RNF115: variants seen among roughly 807,000 people sequenced by gnomAD.
The protein encoded by RNF115 is E3 ubiquitin-protein ligase RNF115.
In RNF115, 31 loss-of-function variants were observed where a neutral mutation model predicts 39.2. The ratio of observed to expected loss-of-function variants is 0.79; its 90% CI spans 0.59 to 1.07. RNF115 has a LOEUF of 1.07. Ranked by LOEUF, RNF115 falls within the 50% of genes least tolerant of loss-of-function variation. RNF115 has a pLI of 0.00. For synonymous variants in RNF115, 124 were observed against 131.0 expected (o/e 0.95, Z 0.37); for missense variants, 384 against 381.7 (o/e 1.01, Z -0.05).
At chr1:145,760,054 C>A (rs182990547) in intron 4 of RNF115, among the ~76,000 whole-genome samples, 3 of 152,154 alleles carry the variant, frequency 2.0e-5, no homozygotes, top group Admixed American at 6.5e-5. Context: ...TTAAGCTCCA[C>A]GAGGGCAGTC....
Position 145,740,096 on chromosome 1 carries a change from T to G in RNF115, c.*6770A>C, listed in dbSNP as rs587610483. On this transcript the variant is annotated 3_prime_UTR_variant, in exon 9 of 9. Transcript: ENST00000582693. ...TCTCTACCTGTTTTAAATAGTTAGTTCTGTGTTTCTAACTAAATAATAAAC... is the reference window on the plus strand; with the variant it reads ...TCTCTACCTGTTTTAAATAGTTAGTGCTGTGTTTCTAACTAAATAATAAAC... 3 of 152,352 alleles carry G rather than the reference T, an allele frequency of 2.0e-5. No individual in the cohort carries two copies. The East Asian group carries it at 5.8e-4, about 29-fold the overall frequency. 9.4% of individuals were successfully genotyped at this position (152,352 alleles called of 1,614,324 possible).
At chr1:145,776,205 C>A (rs1307384520) in intron 3 of RNF115, among the ~76,000 whole-genome samples, 1 of 146,430 alleles carries the variant, frequency 6.8e-6, no homozygotes, top group Non-Finnish European at 1.5e-5. Context: ...CGCTCTGTCA[C>A]CCAGGCTGGA....
At chr1:145,775,714 C>T (rs1317889750) in intron 3 of RNF115, among the ~76,000 whole-genome samples, 3 of 151,954 alleles carry the variant, frequency 2.0e-5, no homozygotes, top group African/African-American at 4.8e-5. Flanking sequence ...TTATTGTAAC[C>T]GGGCGCAGTA....
At chr1:145,768,559 A>C (rs1018694295) in intron 4 of RNF115, among the ~76,000 whole-genome samples, 4 of 152,028 alleles carry the variant, frequency 2.6e-5, no homozygotes, top group African/African-American at 9.7e-5. Flanking sequence ...CAAGTGATCC[A>C]CCTGCCTCGG....
chr1:145,804,927 A>T (rs1649401749), intron 1 of RNF115, among the ~76,000 whole-genome samples: 1 of 152,148 alleles, frequency 6.6e-6, no homozygotes, highest in South Asian at 2.1e-4. Flanking sequence ...TTTGAGAAAC[A>T]CTGATCTAGA....
chr1:145,748,201 TAAAGA>T, intron 7 of RNF115, 91 bp from the exon 8 acceptor site: 3 of 825,850 alleles, frequency 3.6e-6, no homozygotes, highest in East Asian at 2.5e-5. Context: ...TACGAATGCA[TAAAGA>T]AAAGACACAA....
chr1:145,823,463 A>G lies in RNF115; in HGVS notation c.102+309T>C, dbSNP rs1162858432. On this transcript the variant is annotated intron_variant, in intron 1 of 8. Transcript: ENST00000582693. The stretch of plus-strand genomic sequence containing the variant: ...TAGGAAAAAGACCAGGTATAAAAGA[A>G]TGCAAGAAAATTGAGGGGAGAGTTA... Among the ~76,000 whole-genome samples the G allele has an allele frequency of 1.4e-4, 21 of 149,522 alleles. No individual in the cohort carries two copies. In the East Asian group the frequency reaches 3.8e-3, roughly 27 times the overall value.
chr1:145,785,978 T>C (rs924261002), intron 2 of RNF115, among the ~76,000 whole-genome samples: 2 of 152,194 alleles, frequency 1.3e-5, no homozygotes, highest in African/African-American at 4.8e-5. Context: ...ATCCATTTGA[T>C]TGCTCAAGCC....
intron 4 of RNF115, among the ~76,000 whole-genome samples, chr1:145,755,832 T>C (rs1658275629): frequency 6.6e-6 from 1 of 152,174 alleles, no homozygotes; most frequent in South Asian, 2.1e-4. Context: ...AAAAGGATCC[T>C]TGTTATATAA....
At chr1:145,780,480 C>G (rs1265073074) in intron 3 of RNF115, among the ~76,000 whole-genome samples, 1 of 151,254 alleles carries the variant, frequency 6.6e-6, no homozygotes, top group Non-Finnish European at 1.5e-5. Flanking sequence ...ATTAGCCAGG[C>G]GTGGTGGCAC....
At chr1:145,774,480 G>A (rs587633945) in intron 3 of RNF115, among the ~76,000 whole-genome samples, 1 of 152,150 alleles carries the variant, frequency 6.6e-6, no homozygotes, top group African/African-American at 2.4e-5. Context: ...CTCCCGAGAA[G>A]CTGGGATTAC....
chr1:145,810,027 C>A, intron 1 of RNF115, among the ~76,000 whole-genome samples: 1 of 140,622 alleles, frequency 7.1e-6, no homozygotes, highest in Admixed American at 7.3e-5. Context: ...GTCTAAAGGC[C>A]AAGTAAATCT....
intron 7 of RNF115, among the ~76,000 whole-genome samples, chr1:145,748,757 C>T (rs587736086): frequency 1.3e-5 from 2 of 151,982 alleles, no homozygotes; most frequent in Admixed American, 6.5e-5. Flanking sequence ...TGATGGTGAG[C>T]GCCTGTAAAC....
intron 1 of RNF115, among the ~76,000 whole-genome samples, chr1:145,804,323 T>C (rs1300144599): frequency 1.3e-5 from 2 of 152,194 alleles, no homozygotes; most frequent in Middle Eastern, 3.2e-3. Context: ...AATGAACTTC[T>C]GAATATCCTA....
intron 1 of RNF115, among the ~76,000 whole-genome samples, chr1:145,800,398 A>G (rs1649175831): frequency 6.6e-6 from 1 of 152,154 alleles, no homozygotes; most frequent in Non-Finnish European, 1.5e-5. Context: ...CTCTCAGCCC[A>G]TATATTCTTC....
chr1:145,800,771 C>T (rs1343838912), intron 1 of RNF115, among the ~76,000 whole-genome samples: 1 of 152,206 alleles, frequency 6.6e-6, no homozygotes, highest in Non-Finnish European at 1.5e-5. Context: ...CCCTGTCAAT[C>T]CACAGAAACA....
chr1:145,771,520 T>C (rs1212905049), intron 4 of RNF115, among the ~76,000 whole-genome samples, 191 bp downstream of exon 4: 2 of 152,210 alleles, frequency 1.3e-5, no homozygotes, highest in African/African-American at 4.8e-5. Flanking sequence ...ATCAGAGACA[T>C]AGCATTTCTC....
intron 3 of RNF115, among the ~76,000 whole-genome samples, chr1:145,780,409 AG>A (rs1446742924): frequency 1.3e-5 from 2 of 152,052 alleles, no homozygotes; most frequent in African/African-American, 4.8e-5. Flanking sequence ...TCACGAGGTC[AG>A]GAGATCGAGA....
chr1:145,748,068 A>G lies in RNF115; in HGVS notation c.710T>C (p.Val237Ala). The G allele has an allele frequency of 6.2e-7, 1 of 1,613,834 alleles. No individual in the cohort carries two copies. The highest frequency in any genetic ancestry group is 8.5e-7 in the Non-Finnish European group (1 of 1,179,742). The change falls in exon 8 of 9, where the codon GTT becomes GCT. Residue 237 changes from valine to alanine, a missense_variant. Physicochemically the swap from Val to Ala is moderately conservative, Grantham distance 64. Coordinates refer to ENST00000582693, the MANE Select transcript of RNF115 (RefSeq NM_014455.4). ...ECPVCKEDYTVEEEVRQLPCN... is the reference protein window; with the variant it reads ...ECPVCKEDYTAEEEVRQLPCN... ...AGGTAACTGCCGGACTTCCTCTTCA[A>G]CTGTGTAATCTTCTTTGCATACTGG...
Sources: allele counts gnomAD v4.1 joint callset (sites outside exome capture counted in the v4.1 genomes callset), GRCh38; gene constraint gnomAD v4.1.1; transcripts MANE v1.5; gene names NCBI Gene and HGNC (gene_info 2026-07-23, HGNC 2026-07-21).